The following SPAG16 variants were observed in gnomAD, a reference collection of about 807,000 sequenced individuals.
SPAG16 encodes sperm associated antigen 16.
In SPAG16, 86 loss-of-function variants were observed where a neutral mutation model predicts 80.4. That is an observed-to-expected ratio of 1.07 (90% CI 0.90 to 1.28). SPAG16 has a LOEUF of 1.28. Ranked by LOEUF, SPAG16 falls within the 50% of genes most tolerant of loss-of-function variation. SPAG16 has a pLI of 0.00. For missense variants in SPAG16, 870 were observed against 765.3 expected (o/e 1.14, Z -1.61); for synonymous variants, 294 against 265.9 (o/e 1.11, Z -1.03).
chr2:213,346,124 T>C (rs1242888479), intron 6 of SPAG16, among the ~76,000 whole-genome samples: 1 of 152,154 alleles, frequency 6.6e-6, no homozygotes, highest in East Asian at 1.9e-4. Flanking sequence ...TTCCTAGGTA[T>C]TTTATTCTCT....
intron 10 of SPAG16, among the ~76,000 whole-genome samples, chr2:213,828,823 A>G (rs999299767): frequency 4.6e-5 from 7 of 152,220 alleles, no homozygotes; most frequent in African/African-American, 7.2e-5. Flanking sequence ...ATAAGATTCA[A>G]AAGAATGATC....
At chr2:213,374,111 C>T (rs759986639) in intron 8 of SPAG16, among the ~76,000 whole-genome samples, 18 of 152,044 alleles carry the variant, frequency 1.2e-4, no homozygotes, top group Non-Finnish European at 8.8e-5. Context: ...CATTTTTTAA[C>T]GTTATTGTGG....
intron 9 of SPAG16, among the ~76,000 whole-genome samples, chr2:213,448,436 A>T (rs2071480049): frequency 6.6e-6 from 1 of 152,188 alleles, no homozygotes; most frequent in African/African-American, 2.4e-5. Context: ...ACTAAACCCC[A>T]CGATTTGGAT....
At chr2:213,958,207 G>A (rs1334941828) in intron 12 of SPAG16, among the ~76,000 whole-genome samples, 1 of 152,138 alleles carries the variant, frequency 6.6e-6, no homozygotes, top group Non-Finnish European at 1.5e-5. Flanking sequence ...TCTAACTGAT[G>A]GGTTTAGAGC....
chr2:213,687,775 G>A (rs1341010933), intron 10 of SPAG16, among the ~76,000 whole-genome samples: 1 of 152,088 alleles, frequency 6.6e-6, no homozygotes, highest in Non-Finnish European at 1.5e-5. Context: ...ATGATTCTCG[G>A]AACTGAGAGT....
At chr2:213,342,404 C>G (rs2124975481) in intron 6 of SPAG16, among the ~76,000 whole-genome samples, 1 of 147,116 alleles carries the variant, frequency 6.8e-6, no homozygotes, top group Non-Finnish European at 1.5e-5. Context: ...ACACACTAAG[C>G]TAATCAGAAA....
chr2:214,410,291 C>A lies in SPAG16; in HGVS notation c.1872C>A (p.Asp624Glu), dbSNP rs373093132. The A allele has an allele frequency of 1.2e-6, 2 of 1,605,910 alleles. No individual in the cohort carries two copies. The highest frequency in any genetic ancestry group is 2.2e-5 in the East Asian group (1 of 44,606). The stretch of plus-strand genomic sequence containing the variant: ...AGATTCTCTTTTCTGGAGGCTCTGA[C>A]GGCACAGTTCGAACGTGGTCTTGAC... ...DGEILFSGGS[D>E]GTVRTWS Residue 624 changes from aspartate (D) to glutamate (E), a missense_variant, in exon 16 of 16, where the codon GAC becomes GAA. By Grantham distance (45) the Asp-to-Glu change is conservative. Coordinates refer to ENST00000331683, the MANE Select transcript of SPAG16 (RefSeq NM_024532.5).
chr2:213,926,388 A>T (rs6435805), intron 11 of SPAG16, among the ~76,000 whole-genome samples: 1 of 152,086 alleles, frequency 6.6e-6, no homozygotes, highest in East Asian at 1.9e-4. Context: ...CCCTCGCCCC[A>T]CTTCCATTCC....
At chr2:213,977,195 C>T (rs549739357) in intron 12 of SPAG16, among the ~76,000 whole-genome samples, 2 of 152,072 alleles carry the variant, frequency 1.3e-5, no homozygotes, top group African/African-American at 2.4e-5. Flanking sequence ...TACTACTATC[C>T]TCTGACCTCC....
At chr2:214,163,050 TCA>T (rs1257399598) in intron 15 of SPAG16, among the ~76,000 whole-genome samples, 8 of 152,214 alleles carry the variant, frequency 5.3e-5, no homozygotes, top group African/African-American at 1.4e-4. Flanking sequence ...GCTTGAGATC[TCA>T]GTTTCTGACA....
chr2:213,598,141 A>G (rs938602059), intron 10 of SPAG16, among the ~76,000 whole-genome samples: 4 of 152,124 alleles, frequency 2.6e-5, no homozygotes, highest in African/African-American at 9.7e-5. Context: ...TCAAGATGTT[A>G]TATAAACTTC....
chr2:213,630,986 G>A (rs1272157165), intron 10 of SPAG16, among the ~76,000 whole-genome samples: 1 of 152,166 alleles, frequency 6.6e-6, no homozygotes, highest in Non-Finnish European at 1.5e-5. Flanking sequence ...AATAATCAGG[G>A]AAGGTTACTC....
intron 5 of SPAG16, among the ~76,000 whole-genome samples, chr2:213,318,643 A>C (rs554644940): frequency 3.3e-5 from 5 of 151,956 alleles, no homozygotes; most frequent in South Asian, 2.1e-4. Flanking sequence ...ATAAAAATAA[A>C]AAATTTTAAA....
At chr2:213,609,310 A>C (rs17753327) in intron 10 of SPAG16, among the ~76,000 whole-genome samples, 1,978 of 151,470 alleles carry the variant, frequency 0.013, 19 homozygotes, top group South Asian at 0.036. Flanking sequence ...TTTTGGCTAA[A>C]TTGTCTTTGC....
chr2:213,817,830 G>A (rs1480311046), intron 10 of SPAG16, among the ~76,000 whole-genome samples: 2 of 152,090 alleles, frequency 1.3e-5, no homozygotes, highest in South Asian at 2.1e-4. Flanking sequence ...TGGGAAAGAG[G>A]GAGGTGGGTA....
intron 11 of SPAG16, among the ~76,000 whole-genome samples, chr2:213,891,219 G>T (rs1335174206): frequency 1.3e-5 from 2 of 151,960 alleles, no homozygotes; most frequent in Non-Finnish European, 2.9e-5. Context: ...CAATTCTTAA[G>T]TCAATTGATG....
At chr2:214,384,387 G>C (rs1462552271) in intron 15 of SPAG16, among the ~76,000 whole-genome samples, 1 of 152,142 alleles carries the variant, frequency 6.6e-6, no homozygotes, top group Non-Finnish European at 1.5e-5. Flanking sequence ...ATGAGGTGAA[G>C]AAAGTTAAAT....
chr2:214,149,552 T>C (rs1045602370), intron 15 of SPAG16, among the ~76,000 whole-genome samples: 6 of 152,082 alleles, frequency 3.9e-5, no homozygotes, highest in Non-Finnish European at 7.4e-5. Flanking sequence ...CAAACCTCCA[T>C]TCCTCAGAAT....
chr2:213,867,005 C>T (rs1489177855), intron 11 of SPAG16, among the ~76,000 whole-genome samples: 1 of 93,548 alleles, frequency 1.1e-5, no homozygotes, highest in Non-Finnish European at 2.8e-5. Context: ...ACTGCATTGC[C>T]TCAAAATAAT....
Sources: gnomAD v4.1 joint callset for allele counts (sites outside exome capture counted in the v4.1 genomes callset) on GRCh38, gnomAD v4.1.1 for gene constraint, MANE v1.5 for transcripts, NCBI Gene and HGNC (gene_info 2026-07-23, HGNC 2026-07-21) for gene names.